The following RUNDC3B variants were observed in gnomAD, a reference collection of about 807,000 sequenced individuals.
The protein encoded by RUNDC3B is RUN domain-containing protein 3B.
A neutral mutation model predicts 58.4 loss-of-function variants in RUNDC3B; 33 were observed. The ratio of observed to expected loss-of-function variants is 0.56; its 90% CI spans 0.43 to 0.75. The LOEUF (loss-of-function observed/expected upper bound fraction) is 0.75. RUNDC3B is among the 30% of genes least tolerant of loss of function. The probability of loss-of-function intolerance (pLI) is 0.00; values close to 1 mark genes in which losing one functional copy is unlikely to be tolerated. For missense variants in RUNDC3B, 501 were observed against 535.7 expected (o/e 0.94, Z 0.64); for synonymous variants, 193 against 195.2 (o/e 0.99, Z 0.10).
At chr7:87,729,715 T>C (rs1359765332) in intron 4 of RUNDC3B, among the ~76,000 whole-genome samples, 1 of 152,092 alleles carries the variant, frequency 6.6e-6, no homozygotes, top group African/African-American at 2.4e-5. Flanking sequence ...GGATATTCGG[T>C]GGAGATGACC....
At chr7:87,697,201 A>G (rs894026450) in intron 2 of RUNDC3B, among the ~76,000 whole-genome samples, 3 of 152,186 alleles carry the variant, frequency 2.0e-5, no homozygotes, top group Non-Finnish European at 4.4e-5. Context: ...GTGGTTACCT[A>G]TTTGGATTAC....
In RUNDC3B at chr7:87,739,738, C is replaced by G. The variant is rs1832202484; in HGVS notation, c.459-53C>G. ...TGGGCTCTAAATGATTTCTCTCGATCAAACTTCCATTTATTTTTAATATTT... is the reference window on the plus strand; with the variant it reads ...TGGGCTCTAAATGATTTCTCTCGATGAAACTTCCATTTATTTTTAATATTT... On this transcript the variant is annotated intron_variant, in intron 4 of 10. Coordinates refer to ENST00000394654, the MANE Select transcript of RUNDC3B (RefSeq NM_001134405.2). 11 of 821,032 alleles carry G rather than the reference C, an allele frequency of 1.3e-5. No homozygotes were observed. In the South Asian group the frequency reaches 1.9e-4, roughly 15 times the overall value. 50.9% of individuals were successfully genotyped at this position (821,032 alleles called of 1,614,324 possible).
rs1048856457 is a variant in RUNDC3B, at chr7:87,770,386, C to T, written c.630-195C>T. ...CTGTAGTATCTCTAGGGTTGGTTTC[C>T]GAGAGGGAGTCAGCAGCCCATGCTA... On this transcript the variant is annotated intron_variant, in intron 6 of 10. Coordinates refer to ENST00000394654, the MANE Select transcript of RUNDC3B (RefSeq NM_001134405.2). 3.4e-4 allele frequency among the ~76,000 whole-genome samples: 52 copies of T among 151,808 alleles called. 1 individual carries two copies. Among genetic ancestry groups the T allele is most frequent in the African/African-American group, 1.1e-3 (45 of 41,306 alleles).
chr7:87,739,877 T>C lies in RUNDC3B; in HGVS notation c.545T>C (p.Phe182Ser). Residue 182 changes from phenylalanine (F) to serine (S), a missense_variant, in exon 5 of 11, where the codon TTC (phenylalanine) becomes TCC (serine). Transcript: ENST00000394654. ...GMLLGLNAID[F>S]SFCLKGEGLD... ...CTTCTAGGACTCAATGCTATTGATT[T>C]CAGGTACTTAACCAAATGCATTCAG... 6.6e-7 allele frequency: 1 copy of C among 1,518,458 alleles called. No homozygotes were observed. The highest frequency in any genetic ancestry group is 1.4e-5 in the African/African-American group (1 of 73,308). 94.1% of individuals were successfully genotyped at this position (1,518,458 alleles called of 1,614,324 possible).
chr7:87,702,011 T>C lies in RUNDC3B; in HGVS notation c.372+1457T>C, dbSNP rs545202460. Among the ~76,000 whole-genome samples, 89 of 151,284 alleles carry C rather than the reference T, an allele frequency of 5.9e-4. No homozygotes were observed. In the South Asian group the frequency reaches 9.8e-3, roughly 17 times the overall value. On this transcript the variant is annotated intron_variant, in intron 3 of 10. Transcript: ENST00000394654. The stretch of plus-strand genomic sequence containing the variant: ...ATAAAAAATTAGCCAGGCGTGGTGG[T>C]GGGCACCTGTAATCCCAGCTACTTG...
chr7:87,655,629 CA>C (rs1281601699), intron 2 of RUNDC3B, among the ~76,000 whole-genome samples: 1 of 152,068 alleles, frequency 6.6e-6, no homozygotes, highest in Non-Finnish European at 1.5e-5. Flanking sequence ...GAAATAAGTT[CA>C]AGAGATCTAT....
chr7:87,694,100 GTT>G (rs36014243), intron 2 of RUNDC3B: 47,421 of 1,170,648 alleles, frequency 0.041, 758 homozygotes, highest in Middle Eastern at 0.049. Context: ...GTGTGTTTTT[GTT>G]TTTTTTTTTT....
At chr7:87,757,377 T>G (rs1008366857) in intron 6 of RUNDC3B, among the ~76,000 whole-genome samples, 2 of 152,148 alleles carry the variant, frequency 1.3e-5, no homozygotes, top group Non-Finnish European at 2.9e-5. Flanking sequence ...TCAGTAGCAT[T>G]TCTATATGCC....
intron 8 of RUNDC3B, among the ~76,000 whole-genome samples, chr7:87,782,096 A>G (rs1190060538): frequency 6.6e-6 from 1 of 152,122 alleles, no homozygotes; most frequent in Non-Finnish European, 1.5e-5. Flanking sequence ...ACAACTATGA[A>G]TATATCTGGT....
At chr7:87,795,769 G>A (rs1223101851) in intron 8 of RUNDC3B, among the ~76,000 whole-genome samples, 1 of 151,698 alleles carries the variant, frequency 6.6e-6, no homozygotes, top group Non-Finnish European at 1.5e-5. Context: ...GACGCCTGTA[G>A]TCCCAGCTAC....
At chr7:87,796,798 G>GTCCT (rs1365166838) in intron 8 of RUNDC3B, among the ~76,000 whole-genome samples, 1 of 152,148 alleles carries the variant, frequency 6.6e-6, no homozygotes, top group East Asian at 1.9e-4. Flanking sequence ...GCAAGAGGGA[G>GTCCT]TCCTGCAAGG....
Position 87,830,278 on chromosome 7 carries a change from A to AC in RUNDC3B, c.*248_*249insC. On this transcript the variant is annotated 3_prime_UTR_variant, in exon 11 of 11. Transcript: ENST00000394654. Reference sequence around the variant, plus strand: ...ATGGAATAGGCTTTAAAAAAAAAAAAACTTTCAAAGATCCGCCAAATCATT... The same window carrying AC: ...ATGGAATAGGCTTTAAAAAAAAAAAACACTTTCAAAGATCCGCCAAATCATT... 1 of 270,678 alleles carries AC rather than the reference A, an allele frequency of 3.7e-6. No individual in the cohort carries two copies. Among genetic ancestry groups the AC allele is most frequent in the East Asian group, 6.5e-5 (1 of 15,322 alleles). The allele number at this position is 270,678 out of a possible 1,614,324, so 16.8% of individuals were successfully genotyped here. A position where few individuals can be genotyped will look rare whatever the true frequency, so the allele number is the denominator to read the frequency against.
At chr7:87,798,703 A>G (rs1441477633) in intron 8 of RUNDC3B, among the ~76,000 whole-genome samples, 2 of 152,172 alleles carry the variant, frequency 1.3e-5, no homozygotes, top group Non-Finnish European at 2.9e-5. Context: ...TTTAAGTTCT[A>G]AATTACTCAT....
chr7:87,799,960 A>G (rs994350149), intron 8 of RUNDC3B, among the ~76,000 whole-genome samples: 1 of 152,028 alleles, frequency 6.6e-6, no homozygotes, highest in Non-Finnish European at 1.5e-5. Flanking sequence ...ACAATTTGCT[A>G]TATTGCTGAT....
At chr7:87,632,337 A>T (rs1450254868) in intron 1 of RUNDC3B, among the ~76,000 whole-genome samples, 1 of 152,240 alleles carries the variant, frequency 6.6e-6, no homozygotes, top group African/African-American at 2.4e-5. Context: ...TAATCAGATA[A>T]AGAGCTGAAT....
At chr7:87,727,257 G>A (rs569660216) in intron 4 of RUNDC3B, among the ~76,000 whole-genome samples, 24 of 152,104 alleles carry the variant, frequency 1.6e-4, no homozygotes, top group South Asian at 6.2e-4. Context: ...TTTGAGTTAC[G>A]TCCCATCAAT....
chr7:87,697,029 C>T (rs568916171), intron 2 of RUNDC3B, among the ~76,000 whole-genome samples: 20 of 152,144 alleles, frequency 1.3e-4, no homozygotes, highest in Non-Finnish European at 2.4e-4. Flanking sequence ...TTTGAAACAT[C>T]CTACAAGTTA....
At chr7:87,638,014 T>G (rs575013957) in intron 1 of RUNDC3B, among the ~76,000 whole-genome samples, 10 of 152,122 alleles carry the variant, frequency 6.6e-5, no homozygotes, top group African/African-American at 2.4e-4. Context: ...ATTTCTAAAT[T>G]GCTGAGAATT....
intron 2 of RUNDC3B, among the ~76,000 whole-genome samples, chr7:87,654,597 A>G (rs1303395767): frequency 6.6e-6 from 1 of 152,058 alleles, no homozygotes; most frequent in Non-Finnish European, 1.5e-5. Flanking sequence ...TAAATGTAAG[A>G]TCTATCTACT....
Sources: gnomAD v4.1 joint callset for allele counts (sites outside exome capture counted in the v4.1 genomes callset) on GRCh38, gnomAD v4.1.1 for gene constraint, MANE v1.5 for transcripts, NCBI Gene and HGNC (gene_info 2026-07-23, HGNC 2026-07-21) for gene names.